The following FMN1 variants were observed in gnomAD, a reference collection of about 807,000 sequenced individuals.
The protein encoded by FMN1 is formin-1.
Under a neutral mutation model 132.4 loss-of-function variants are expected in FMN1, and 110 were observed. The observed-to-expected ratio is 0.83, with a 90% CI of 0.71 to 0.97. The LOEUF is 0.97. Among genes scored for constraint, FMN1 ranks in the 50% least tolerant of loss-of-function variants. The pLI is 0.00. For missense variants in FMN1, 1,792 were observed against 1,705.3 expected (o/e 1.05, Z -0.90); for synonymous variants, 722 against 651.7 (o/e 1.11, Z -1.64).
At position 32,993,689 on chromosome 15, in the gene FMN1, A is replaced by T. The variant is rs77760886; in HGVS notation, c.2223+14325T>A. Among the ~76,000 whole-genome samples the T allele has an allele frequency of 7.1e-3, 1,078 of 152,312 alleles. 15 individuals are homozygous for T. Among genetic ancestry groups the T allele is most frequent in the African/African-American group, 0.024 (1,018 of 41,562 alleles). On this transcript the variant is annotated intron_variant, in intron 7 of 20. Transcript: ENST00000616417. ...AGAATCAAGCTGTACACATTTACAGACAAGCAACAATGACAGTTTTCATGG... is the reference window on the plus strand; with the variant it reads ...AGAATCAAGCTGTACACATTTACAGTCAAGCAACAATGACAGTTTTCATGG...
At chr15:33,018,951 A>T (rs28866011) in intron 6 of FMN1, among the ~76,000 whole-genome samples, 1 of 152,194 alleles carries the variant, frequency 6.6e-6, no homozygotes, top group African/African-American at 2.4e-5. Context: ...GTTACAGCTC[A>T]TAAAGACAAT....
At chr15:32,864,183 A>G (rs1412002022) in intron 16 of FMN1, among the ~76,000 whole-genome samples, 1 of 152,224 alleles carries the variant, frequency 6.6e-6, no homozygotes, top group Non-Finnish European at 1.5e-5. Flanking sequence ...CCAAAAACAA[A>G]TGACAGAAGC....
At chr15:32,813,023 C>T (rs1490377250) in intron 17 of FMN1, among the ~76,000 whole-genome samples, 2 of 152,140 alleles carry the variant, frequency 1.3e-5, no homozygotes, top group Non-Finnish European at 2.9e-5. Context: ...CTGTGCTGAA[C>T]ATATACACGC....
At chr15:32,944,628 C>T (rs898719076) in intron 9 of FMN1, among the ~76,000 whole-genome samples, 4 of 152,088 alleles carry the variant, frequency 2.6e-5, no homozygotes, top group Non-Finnish European at 5.9e-5. Flanking sequence ...CAAATTGTCA[C>T]CCTGTCTTGA....
intron 9 of FMN1, among the ~76,000 whole-genome samples, chr15:32,939,214 C>T (rs1329130382): frequency 6.6e-6 from 1 of 152,210 alleles, no homozygotes; most frequent in East Asian, 1.9e-4. Context: ...GTATAGCTAT[C>T]TCACTGCTGG....
At chr15:33,157,730 C>T (rs993413969) in intron 3 of FMN1, among the ~76,000 whole-genome samples, 2 of 151,872 alleles carry the variant, frequency 1.3e-5, no homozygotes, top group African/African-American at 4.8e-5. Flanking sequence ...AGCAGCTCAC[C>T]CCTGTAATCC....
rs909770766 is a variant in FMN1 at position 33,096,015 on chromosome 15, A to G, written c.1868-7041T>C. ...AGGTAAATACCAAAAAAAAAAAAAG[A>G]AGGCACATTTACTATTAAATGTGAT... On this transcript the variant is annotated intron_variant, in intron 4 of 20. Coordinates refer to ENST00000616417, the MANE Select transcript of FMN1 (RefSeq NM_001277313.2). Among the ~76,000 whole-genome samples the G allele has an allele frequency of 2.9e-4, 44 of 151,172 alleles. 1 individual carries two copies. Among genetic ancestry groups the G allele is most frequent in the Admixed American group, 1.3e-3 (20 of 15,202 alleles).
chr15:33,122,301 C>T (rs572141461), intron 4 of FMN1, among the ~76,000 whole-genome samples: 10 of 152,212 alleles, frequency 6.6e-5, no homozygotes, highest in South Asian at 2.1e-4. Context: ...TGTTGTGTTC[C>T]GCAAATTCAA....
chr15:32,938,981 A>G (rs1567430305), intron 9 of FMN1, among the ~76,000 whole-genome samples: 3 of 152,226 alleles, frequency 2.0e-5, no homozygotes, highest in East Asian at 1.9e-4. Context: ...CCTGCTGTAC[A>G]TAAAAGTCAT....
intron 4 of FMN1, among the ~76,000 whole-genome samples, chr15:33,128,639 A>C (rs1963360805): frequency 6.6e-6 from 1 of 152,200 alleles, no homozygotes; most frequent in Non-Finnish European, 1.5e-5. Context: ...ACAGCTCTTA[A>C]AGACGGTGCG....
chr15:32,839,372 G>A (rs1030953702), intron 17 of FMN1, among the ~76,000 whole-genome samples: 1 of 152,090 alleles, frequency 6.6e-6, no homozygotes. Context: ...TGAACTTCTA[G>A]CCCTTTCAGA....
chr15:32,821,626 A>C (rs2058221240), intron 17 of FMN1, among the ~76,000 whole-genome samples: 1 of 151,560 alleles, frequency 6.6e-6, no homozygotes, highest in Non-Finnish European at 1.5e-5. Flanking sequence ...TAATTTTTGT[A>C]TTTTTAGTAG....
chr15:33,078,601 A>T (rs570769511), intron 5 of FMN1, among the ~76,000 whole-genome samples: 4 of 152,024 alleles, frequency 2.6e-5, no homozygotes, highest in African/African-American at 9.7e-5. Context: ...GATACTAATA[A>T]ATTGGAATTG....
intron 7 of FMN1, among the ~76,000 whole-genome samples, chr15:32,988,049 G>GTTTTTTTTTTTTTTTTTTTTTTT (rs10573409): frequency 1.7e-5 from 2 of 118,164 alleles, no homozygotes; most frequent in South Asian, 2.9e-4. Flanking sequence ...TGTCTCTCCA[G>GTTTTTTTTTTTTTTTTTTTTTTT]TTTTTTTTTT....
intron 17 of FMN1, among the ~76,000 whole-genome samples, chr15:32,819,015 A>G (rs2058133411): frequency 6.6e-6 from 1 of 151,916 alleles, no homozygotes; most frequent in African/African-American, 2.4e-5. Context: ...CTGTGGGATG[A>G]TAACAATGAT....
intron 5 of FMN1, among the ~76,000 whole-genome samples, chr15:33,071,489 TA>T (rs2037998540): frequency 6.6e-6 from 1 of 152,228 alleles, no homozygotes; most frequent in Non-Finnish European, 1.5e-5. Flanking sequence ...AGAATGAAGA[TA>T]GCCCTGCCTT....
intron 5 of FMN1, chr15:33,066,620 G>C: frequency 6.2e-7 from 1 of 1,613,930 alleles, no homozygotes; most frequent in Non-Finnish European, 8.5e-7. Flanking sequence ...TTCCAGCTCA[G>C]AGGTGTCAGC....
intron 4 of FMN1, among the ~76,000 whole-genome samples, chr15:33,146,009 T>A (rs6494898): frequency 6.6e-6 from 1 of 150,522 alleles, no homozygotes; most frequent in African/African-American, 2.5e-5. Flanking sequence ...GGAGTCTCTC[T>A]TTGTCACCCA....
intron 3 of FMN1, among the ~76,000 whole-genome samples, chr15:33,174,880 T>G (rs1965461095): frequency 6.6e-6 from 1 of 152,210 alleles, no homozygotes; most frequent in South Asian, 2.1e-4. Flanking sequence ...CAAGTGCAAT[T>G]CTTCAATTAC....
Sources: allele counts gnomAD v4.1 joint callset (sites outside exome capture counted in the v4.1 genomes callset), GRCh38; gene constraint gnomAD v4.1.1; transcripts MANE v1.5; gene names NCBI Gene and HGNC (gene_info 2026-07-23, HGNC 2026-07-21).